The following OR4K1 variants were observed in gnomAD, a reference collection of about 807,000 sequenced individuals.
OR4K1 encodes olfactory receptor 4K1.
In OR4K1, 16 loss-of-function variants were observed where a neutral mutation model predicts 14.4. That is an observed-to-expected ratio of 1.11 (90% CI 0.75 to 1.68). The LOEUF is 1.68. OR4K1 is among the 40% of genes most tolerant of loss of function. The probability of loss-of-function intolerance (pLI) is 0.00; values close to 1 mark genes in which losing one functional copy is unlikely to be tolerated. For missense variants in OR4K1, 548 were observed against 376.9 expected, an observed-to-expected ratio of 1.45 and a Z score of -3.76; for synonymous variants, 181 against 133.1, an observed-to-expected ratio of 1.36 and a Z score of -2.48.
the OR4K1 span, chr14:19,921,128 A>G: frequency 1.4e-5 from 23 of 1,614,074 alleles, no homozygotes; most frequent in Admixed American, 1.7e-5. Context: ...CTAATGTAGT[A>G]GACAGCTTTT....
At chr14:19,927,324 T>C (rs1002836403), upstream of OR4K1, among the ~76,000 whole-genome samples, 3 of 152,264 alleles carry the variant, frequency 2.0e-5, no homozygotes, top group South Asian at 2.1e-4. Context: ...AATTCTCTCA[T>C]TGGCCAGAGC....
chr14:19,933,718 G>C (rs544178062), intron 1 of OR4K1, among the ~76,000 whole-genome samples: 1 of 151,930 alleles, frequency 6.6e-6, no homozygotes, highest in Non-Finnish European at 1.5e-5. Context: ...TCAGCCTCCC[G>C]AGTAGCTGGG....
chr14:19,936,627 C>T lies in OR4K1; in HGVS notation c.*25C>T, dbSNP rs770579281. 7 of 1,557,882 alleles carry T rather than the reference C, an allele frequency of 4.5e-6. No homozygotes were observed. Among genetic ancestry groups the T allele is most frequent in the East Asian group, 2.2e-5 (1 of 44,570 alleles). ...GGGATCATTACGAAGGAGCATAATCCTGAATTAGAATGAAGACCCTCCAGT... is the reference window on the plus strand; with the variant it reads ...GGGATCATTACGAAGGAGCATAATCTTGAATTAGAATGAAGACCCTCCAGT... On this transcript the variant is annotated 3_prime_UTR_variant, in exon 2 of 2. Transcript: ENST00000641172.
At chr14:19,934,379 G>A (rs1015494459) in intron 1 of OR4K1, among the ~76,000 whole-genome samples, 118 of 152,352 alleles carry the variant, frequency 7.7e-4, no homozygotes, top group African/African-American at 2.5e-3. Context: ...ATTTCTTAAA[G>A]GACCATTCCT....
upstream of OR4K1, among the ~76,000 whole-genome samples, chr14:19,930,653 C>T (rs945435583): frequency 2.0e-5 from 3 of 152,210 alleles, no homozygotes; most frequent in Non-Finnish European, 4.4e-5. Flanking sequence ...TGAATACTTC[C>T]TTTGCTGACT....
At chr14:19,929,676 G>C (rs887664751), upstream of OR4K1, among the ~76,000 whole-genome samples, 16 of 152,192 alleles carry the variant, frequency 1.1e-4, no homozygotes, top group African/African-American at 3.9e-4. Context: ...ATATTTGATA[G>C]TACATTTAGA....
chr14:19,932,457 A>T (rs1882206711), intron 1 of OR4K1, among the ~76,000 whole-genome samples: 1 of 151,952 alleles, frequency 6.6e-6, no homozygotes, highest in Non-Finnish European at 1.5e-5. Context: ...ATTACGTTCC[A>T]CTCTGAAATG....
upstream of OR4K1, among the ~76,000 whole-genome samples, chr14:19,928,320 G>A (rs1882105053): frequency 6.6e-6 from 1 of 152,080 alleles, no homozygotes; most frequent in Admixed American, 6.6e-5. Context: ...ATTGCTAGTG[G>A]TTTATTGAAT....
the OR4K1 span, chr14:19,921,518 T>C: frequency 1.2e-6 from 2 of 1,613,868 alleles, no homozygotes; most frequent in Admixed American, 3.3e-5. Context: ...TTGTGAACCA[T>C]TACCTGAGGC....
chr14:19,926,005 TG>T (rs1882057509), upstream of OR4K1, among the ~76,000 whole-genome samples: 1 of 152,250 alleles, frequency 6.6e-6, no homozygotes, highest in African/African-American at 2.4e-5. Flanking sequence ...GTGGGTGGAA[TG>T]GATCTGTCAG....
upstream of OR4K1, among the ~76,000 whole-genome samples, chr14:19,929,039 A>G (rs1882124089): frequency 1.3e-5 from 2 of 151,828 alleles, no homozygotes; most frequent in African/African-American, 4.8e-5. Context: ...CTTCTTTAAC[A>G]TCATGCTTTA....
upstream of OR4K1, among the ~76,000 whole-genome samples, chr14:19,927,654 C>T (rs1380023224): frequency 1.3e-5 from 2 of 152,222 alleles, no homozygotes; most frequent in African/African-American, 4.8e-5. Flanking sequence ...GGGAGTCATG[C>T]TGCAACCTTG....
chr14:19,921,106 C>G, the OR4K1 span: 1 of 1,614,166 alleles, frequency 6.2e-7, no homozygotes, highest in East Asian at 2.2e-5. Flanking sequence ...GTGAACCTGC[C>G]TTTTTGTGGA....
In OR4K1 at chr14:19,936,518, C is replaced by T; in HGVS notation, c.852C>T (p.Pro284=). 4 of 1,613,766 alleles carry T rather than the reference C, an allele frequency of 2.5e-6. No individual in the cohort carries two copies. Among genetic ancestry groups the T allele is most frequent in the Non-Finnish European group, 3.4e-6 (4 of 1,179,986 alleles). Residue 284 remains proline (P), a synonymous_variant, in exon 2 of 2, where the codon CCC becomes CCT. Transcript: ENST00000641172. ...CTGTTTGTACTCCCTTGTTGAACCC[C>T]ATCATCTACTCTCTGAGGAATGAAG... is the stretch of plus-strand genomic sequence containing the variant. ...FYTVCTPLLN[P]IIYSLRNEDV...
At chr14:19,926,490 G>C (rs1248289390), upstream of OR4K1, among the ~76,000 whole-genome samples, 4 of 152,240 alleles carry the variant, frequency 2.6e-5, no homozygotes, top group Admixed American at 2.6e-4. Flanking sequence ...TCAGAATTCT[G>C]CTAAATCATT....
the OR4K1 span, among the ~76,000 whole-genome samples, chr14:19,922,815 A>G: frequency 6.6e-6 from 1 of 152,184 alleles, no homozygotes; most frequent in African/African-American, 2.4e-5. Context: ...GCAACCAATG[A>G]TCTGTTCCCC....
chr14:19,930,523 G>A (rs547233874), upstream of OR4K1, among the ~76,000 whole-genome samples: 206 of 152,312 alleles, frequency 1.4e-3, no homozygotes, highest in African/African-American at 4.8e-3. Context: ...GTGGAGCACA[G>A]ACTGAACTGT....
chr14:19,935,585 T>G, intron 1 of OR4K1, 63 bp from the exon 2 acceptor site: 1 of 1,200,480 alleles, frequency 8.3e-7, no homozygotes, highest in Non-Finnish European at 1.2e-6. Flanking sequence ...ATTTCTTTTG[T>G]TTATAAACTA....
rs1160415042 is a variant in OR4K1, at chr14:19,935,770, A to T, written c.104A>T (p.Tyr35Phe). Residue 35 changes from tyrosine (Y) to phenylalanine (F), a missense_variant, in exon 2 of 2, where the codon TAT (tyrosine) becomes TTT (phenylalanine). Tyr to Phe is a conservative substitution (Grantham distance 22). Transcript: ENST00000641172. ...LFFFAIFSIV[Y>F]VTSVLGNVLI... ...TTTTTTGCCATCTTCTCTATAGTCTATGTGACATCAGTGCTAGGCAATGTC... is the reference window on the plus strand; with the variant it reads ...TTTTTTGCCATCTTCTCTATAGTCTTTGTGACATCAGTGCTAGGCAATGTC... 1.2e-6 allele frequency: 2 copies of T among 1,614,000 alleles called. No homozygotes were observed. The highest frequency in any genetic ancestry group is 2.7e-5 in the African/African-American group (2 of 74,922).
Sources: gnomAD v4.1 joint callset for allele counts (sites outside exome capture counted in the v4.1 genomes callset) on GRCh38, gnomAD v4.1.1 for gene constraint, MANE v1.5 for transcripts, NCBI Gene and HGNC (gene_info 2026-07-23, HGNC 2026-07-21) for gene names.